Variants in DCP1A observed in about 807,000 individuals in gnomAD.
DCP1A encodes decapping mRNA 1A.
Under a neutral mutation model 58.0 loss-of-function variants are expected in DCP1A, and 20 were observed. The ratio of observed to expected loss-of-function variants is 0.34; its 90% CI spans 0.24 to 0.50. The LOEUF is 0.50. DCP1A is among the 20% of genes least tolerant of loss of function. The pLI, the probability that DCP1A is intolerant of heterozygous loss-of-function variation, is 0.98. For missense variants in DCP1A, 613 were observed against 712.2 expected (o/e 0.86, Z 1.59); for synonymous variants, 285 against 275.1 (o/e 1.04, Z -0.36).
intron 8 of DCP1A, among the ~76,000 whole-genome samples, chr3:53,288,942 G>A (rs1706750671): frequency 1.3e-5 from 2 of 152,070 alleles, no homozygotes; most frequent in African/African-American, 4.8e-5. Flanking sequence ...TTGAACCCAG[G>A]AGGTGGAGGT....
intron 3 of DCP1A, chr3:53,338,145 C>T (rs975463939): frequency 2.2e-6 from 1 of 448,612 alleles, no homozygotes; most frequent in Admixed American, 2.4e-5. Flanking sequence ...GTTTTCTCAA[C>T]CTGTAAGTTG....
chr3:53,343,055 G>A (rs1046445364), intron 2 of DCP1A, among the ~76,000 whole-genome samples: 1 of 152,088 alleles, frequency 6.6e-6, no homozygotes, highest in African/African-American at 2.4e-5. Context: ...AGAGGGATTC[G>A]GTACATGATC....
intron 6 of DCP1A, among the ~76,000 whole-genome samples, chr3:53,303,581 T>C (rs1367786786): frequency 1.3e-5 from 2 of 152,106 alleles, no homozygotes; most frequent in Non-Finnish European, 2.9e-5. Context: ...TTATTTTAAA[T>C]AGGGTAGTCA....
Position 53,319,486 on chromosome 3 carries a change from A to T in DCP1A, c.305-13T>A. On this transcript the variant is annotated splice_polypyrimidine_tract_variant and intron_variant, in intron 3 of 9. Coordinates refer to ENST00000610213, the MANE Select transcript of DCP1A (RefSeq NM_018403.7). ...CTATATATCGACACTTGAAAAACAA[A>T]GGGAAAAAAAGATAAGAAGAAATGA... The T allele has an allele frequency of 6.6e-7, 1 of 1,512,232 alleles. No homozygotes were observed. Among genetic ancestry groups the T allele is most frequent in the Non-Finnish European group, 9.0e-7 (1 of 1,111,034 alleles). 93.7% of individuals were successfully genotyped at this position (1,512,232 alleles called of 1,614,324 possible). A position where few individuals can be genotyped will look rare whatever the true frequency, so the allele number is the denominator to read the frequency against.
At chr3:53,331,207 G>C (rs2088993229) in intron 3 of DCP1A, among the ~76,000 whole-genome samples, 1 of 152,100 alleles carries the variant, frequency 6.6e-6, no homozygotes, top group Non-Finnish European at 1.5e-5. Context: ...TTAAATGCCA[G>C]AATCAATTTT....
At chr3:53,341,559 G>A (rs1373230226) in intron 3 of DCP1A, among the ~76,000 whole-genome samples, 2 of 152,148 alleles carry the variant, frequency 1.3e-5, no homozygotes, top group Non-Finnish European at 2.9e-5. Context: ...GTTGCTTAGG[G>A]ACATGGGCAG....
chr3:53,321,072 G>T (rs12491594), intron 3 of DCP1A, among the ~76,000 whole-genome samples: 1 of 152,268 alleles, frequency 6.6e-6, no homozygotes, highest in African/African-American at 2.4e-5. Context: ...TCTAGGAGAG[G>T]AATGAGCCTA....
chr3:53,325,508 A>C (rs2106863936), intron 3 of DCP1A, among the ~76,000 whole-genome samples: 1 of 152,332 alleles, frequency 6.6e-6, no homozygotes, highest in East Asian at 1.9e-4. Flanking sequence ...AAGAGAAAAA[A>C]AGTTATGCAA....
chr3:53,318,390 T>C (rs1405641111), intron 4 of DCP1A, among the ~76,000 whole-genome samples: 1 of 152,086 alleles, frequency 6.6e-6, no homozygotes, highest in African/African-American at 2.4e-5. Context: ...TTTAAACATG[T>C]GATTGAAAAC....
chr3:53,330,214 C>T (rs551416416), intron 3 of DCP1A, among the ~76,000 whole-genome samples: 18 of 152,220 alleles, frequency 1.2e-4, no homozygotes, highest in African/African-American at 2.9e-4. Context: ...TAGCTTTGGG[C>T]TTACTGTAGT....
At chr3:53,335,381 TC>T (rs34077733) in intron 3 of DCP1A, among the ~76,000 whole-genome samples, 107,102 of 151,458 alleles carry the variant, frequency 0.71, 38,443 homozygotes, top group Non-Finnish European at 0.77. Flanking sequence ...CCTCAAGTGA[TC>T]CAGCCTGCCT....
At chr3:53,314,762 C>T (rs1707752490) in intron 4 of DCP1A, among the ~76,000 whole-genome samples, 1 of 147,686 alleles carries the variant, frequency 6.8e-6, no homozygotes, top group South Asian at 2.1e-4. Context: ...ACCTTCGACT[C>T]CCGGGTTCAA....
At chr3:53,321,526 C>G (rs1553689937) in intron 3 of DCP1A, among the ~76,000 whole-genome samples, 2 of 152,164 alleles carry the variant, frequency 1.3e-5, no homozygotes, top group African/African-American at 4.8e-5. Context: ...TTGAGACCAG[C>G]CTGGCCAACA....
chr3:53,294,712 T>C (rs1207711898), intron 6 of DCP1A, among the ~76,000 whole-genome samples: 2 of 152,136 alleles, frequency 1.3e-5, no homozygotes, highest in Non-Finnish European at 2.9e-5. Context: ...TCCAGCTGTG[T>C]GGCCTGAGGA....
chr3:53,312,119 T>G, intron 5 of DCP1A, 122 bp downstream of exon 5: 2 of 1,155,136 alleles, frequency 1.7e-6, no homozygotes, highest in South Asian at 3.3e-5. Flanking sequence ...CACGCTCTCT[T>G]TTTGAACTTA....
chr3:53,322,206 A>G (rs1296005388), intron 3 of DCP1A, among the ~76,000 whole-genome samples: 1 of 152,206 alleles, frequency 6.6e-6, no homozygotes. Flanking sequence ...TAATCCTGGC[A>G]CCCTGGAAGG....
At position 53,301,278 on chromosome 3, in the gene DCP1A, CTTTTT is replaced by C. The variant is rs200043215; in HGVS notation, c.624+2894_624+2898del. The stretch of plus-strand genomic sequence containing the variant: ...TAGAAAACAGTTTGGTGGTTTCTTT[CTTTTT>C]TTTTTGAGACAGGGTTTTGCTCTTG... On this transcript the variant is annotated intron_variant, in intron 6 of 9. Transcript: ENST00000610213. 8.1e-5 allele frequency among the ~76,000 whole-genome samples: 12 copies of C among 147,964 alleles called. No individual in the cohort carries two copies. In the Admixed American group the frequency reaches 8.1e-4, roughly 10 times the overall value.
chr3:53,341,367 A>C (rs2089199779), intron 3 of DCP1A, among the ~76,000 whole-genome samples: 4 of 152,178 alleles, frequency 2.6e-5, no homozygotes, highest in Admixed American at 2.6e-4. Flanking sequence ...AGCCAGGAGA[A>C]GGGCATGAAT....
intron 3 of DCP1A, among the ~76,000 whole-genome samples, chr3:53,331,500 A>G (rs1424885741): frequency 6.6e-6 from 1 of 152,204 alleles, no homozygotes; most frequent in Non-Finnish European, 1.5e-5. Context: ...GTACAGTAAC[A>G]TGCTGTACAG....
Sources: allele counts gnomAD v4.1 joint callset (sites outside exome capture counted in the v4.1 genomes callset), GRCh38; gene constraint gnomAD v4.1.1; transcripts MANE v1.5; gene names NCBI Gene and HGNC (gene_info 2026-07-23, HGNC 2026-07-21).